The following ZNF483 variants were observed in gnomAD, a reference collection of about 807,000 sequenced individuals.
The protein encoded by ZNF483 is zinc finger protein HIT-10.
A neutral mutation model predicts 28.6 loss-of-function variants in ZNF483; 9 were observed. The ratio of observed to expected loss-of-function variants is 0.32; its 90% confidence interval spans 0.19 to 0.55. The LOEUF (loss-of-function observed/expected upper bound fraction) is 0.55. Ranked by LOEUF, ZNF483 falls within the 20% of genes least tolerant of loss-of-function variation. ZNF483 has a pLI of 0.93. For missense variants in ZNF483, 675 were observed against 871.7 expected (o/e 0.77, Z 2.84); for synonymous variants, 322 against 306.2 (o/e 1.05, Z -0.54).
intron 5 of ZNF483, among the ~76,000 whole-genome samples, chr9:111,572,756 C>CAAAAAAAAAAAAAAAAAAAAAAAAAAAAA (rs58101079): frequency 1.6e-5 from 1 of 63,512 alleles, no homozygotes; most frequent in Non-Finnish European, 2.8e-5. Context: ...GACCCTGTCT[C>CAAAAAAAAAAAAAAAAAAAAAAAAAAAAA]AAAAAAAAAA....
intron 5 of ZNF483, among the ~76,000 whole-genome samples, chr9:111,560,974 T>TATATATAGAG (rs1564607823): frequency 1.1e-4 from 1 of 9,344 alleles, no homozygotes; most frequent in East Asian, 2.9e-3. Flanking sequence ...TATATATATA[T>TATATATAGAG]AGAGAGAGAG....
intron 5 of ZNF483, among the ~76,000 whole-genome samples, chr9:111,568,038 A>T (rs890710526): frequency 2.0e-5 from 3 of 152,216 alleles, no homozygotes; most frequent in Admixed American, 2.0e-4. Flanking sequence ...AATTGATTGT[A>T]AAACATGTAT....
rs1828061395 is a variant in ZNF483 at position 111,554,391 on chromosome 9, C to T, written c.*11221C>T. 6.6e-6 allele frequency among the ~76,000 whole-genome samples: 1 copy of T among 152,150 alleles called. No individual in the cohort carries two copies. ...AGGGAGGCTTGAAATACAGCTTTCCCCTCATTGTGGTGAGCACATAGATTA... is the reference window on the plus strand; with the variant it reads ...AGGGAGGCTTGAAATACAGCTTTCCTCTCATTGTGGTGAGCACATAGATTA... On this transcript the variant is annotated 3_prime_UTR_variant, in exon 6 of 6. Coordinates refer to ENST00000309235, the MANE Select transcript of ZNF483 (RefSeq NM_133464.5).
chr9:111,564,277 T>G, intron 5 of ZNF483: 1 of 485,732 alleles, frequency 2.1e-6, no homozygotes, highest in Non-Finnish European at 2.8e-6. Context: ...AATTTAAACT[T>G]TTATTATTAT....
Position 111,548,888 on chromosome 9 carries a change from G to A in ZNF483, c.*5718G>A, listed in dbSNP as rs1589279748. On this transcript the variant is annotated 3_prime_UTR_variant, in exon 6 of 6. Transcript: ENST00000309235. ...CCTTCTGGCTTCCAAGGTTTTTGAT[G>A]AGCAATCAACAGTCTCACTGAGGAT... is the stretch of plus-strand genomic sequence containing the variant. Among the ~76,000 whole-genome samples the A allele has an allele frequency of 6.6e-6, 1 of 151,556 alleles. No individual in the cohort carries two copies. Among genetic ancestry groups the A allele is most frequent in the Non-Finnish European group, 1.5e-5 (1 of 67,930 alleles).
intron 3 of ZNF483, among the ~76,000 whole-genome samples, 190 bp downstream of exon 3, chr9:111,531,153 C>G (rs986820574): frequency 1.8e-4 from 28 of 151,908 alleles, no homozygotes; most frequent in African/African-American, 6.8e-4. Flanking sequence ...ATGATCATGC[C>G]ACTGCTGCCT....
At chr9:111,530,778 T>TATATATATATATATATATATATATAC (rs1827314171) in intron 2 of ZNF483, 97 bp from the exon 3 acceptor site, 3 of 51,858 alleles carry the variant, frequency 5.8e-5, no homozygotes, top group African/African-American at 3.0e-4. Context: ...TATATATATA[T>TATATATATATATATATATATATATAC]ATATATATAT....
rs1050009502 is a variant in ZNF483, at chr9:111,551,695, C to T, written c.*8525C>T. Among the ~76,000 whole-genome samples the T allele has an allele frequency of 6.6e-6, 1 of 152,162 alleles. No individual in the cohort carries two copies. The highest frequency in any genetic ancestry group is 2.4e-5 in the African/African-American group (1 of 41,432). On this transcript the variant is annotated 3_prime_UTR_variant, in exon 6 of 6. Coordinates refer to ENST00000309235, the MANE Select transcript of ZNF483 (RefSeq NM_133464.5). Reference sequence around the variant, plus strand: ...GGGATTACAGGTGTGAACCGCCACACACAACCCCAATTTTTGTTTAAAATT... The same window carrying T: ...GGGATTACAGGTGTGAACCGCCACATACAACCCCAATTTTTGTTTAAAATT...
Position 111,548,698 on chromosome 9 carries a change from G to A in ZNF483, c.*5528G>A, listed in dbSNP as rs900477747. On this transcript the variant is annotated 3_prime_UTR_variant, in exon 6 of 6. Coordinates refer to ENST00000309235, the MANE Select transcript of ZNF483 (RefSeq NM_133464.5). The stretch of plus-strand genomic sequence containing the variant: ...AATGCTTTCTATTTTATATCATTCC[G>A]TATGATGTTAGCTGTGGTCTTTTCA... Among the ~76,000 whole-genome samples the A allele has an allele frequency of 3.3e-5, 5 of 152,070 alleles. No homozygotes were observed. Among genetic ancestry groups the A allele is most frequent in the African/African-American group, 4.8e-5 (2 of 41,410 alleles).
chr9:111,572,129 A>C (rs1347951829), intron 5 of ZNF483, among the ~76,000 whole-genome samples: 2 of 152,218 alleles, frequency 1.3e-5, no homozygotes, highest in Non-Finnish European at 2.9e-5. Flanking sequence ...CTCAGCCTAA[A>C]GTTCCCACTG....
chr9:111,565,430 T>C (rs1214049969), intron 5 of ZNF483, among the ~76,000 whole-genome samples: 1 of 152,236 alleles, frequency 6.6e-6, no homozygotes, highest in Admixed American at 6.5e-5. Flanking sequence ...TAATGTAAAA[T>C]GTTAATAATA....
intron 5 of ZNF483, among the ~76,000 whole-genome samples, chr9:111,536,563 T>C (rs1353251406): frequency 6.6e-6 from 1 of 152,114 alleles, no homozygotes; most frequent in African/African-American, 2.4e-5. Flanking sequence ...CATGTATCAA[T>C]ACCTTGGTTT....
chr9:111,568,010 A>T (rs1157246848), intron 5 of ZNF483, among the ~76,000 whole-genome samples: 1 of 152,232 alleles, frequency 6.6e-6, no homozygotes. Context: ...CCACTGTGAT[A>T]ATTGTGTTAA....
At chr9:111,578,076 G>A (rs77556607), downstream of ZNF483, among the ~76,000 whole-genome samples, 2,694 of 152,038 alleles carry the variant, frequency 0.018, 84 homozygotes, top group African/African-American at 0.062. Context: ...ACTTCTACAC[G>A]TTAAATGAGT....
chr9:111,539,252 A>G (rs1827607237), intron 5 of ZNF483, among the ~76,000 whole-genome samples: 1 of 152,252 alleles, frequency 6.6e-6, no homozygotes. Flanking sequence ...AAAATGTTCA[A>G]ACTCACTGGC....
chr9:111,560,709 C>T (rs549860479), intron 5 of ZNF483, among the ~76,000 whole-genome samples: 3 of 147,116 alleles, frequency 2.0e-5, no homozygotes, highest in East Asian at 2.0e-4. Flanking sequence ...TTTGGGAGGC[C>T]GAGGTGGCCG....
intron 3 of ZNF483, 53 bp from the exon 4 acceptor site, chr9:111,533,686 C>T (rs1564592882): frequency 1.3e-6 from 2 of 1,494,832 alleles, no homozygotes; most frequent in Middle Eastern, 1.8e-4. Flanking sequence ...AAAAAAAGTA[C>T]TTAGGTTCTA....
chr9:111,535,001 G>T (rs1006566626), intron 5 of ZNF483, among the ~76,000 whole-genome samples: 5 of 152,132 alleles, frequency 3.3e-5, no homozygotes, highest in Admixed American at 6.5e-5. Flanking sequence ...GGGATTACAG[G>T]TATGAGCCAC....
chr9:111,532,712 C>T (rs1827379212), intron 3 of ZNF483, among the ~76,000 whole-genome samples: 1 of 152,086 alleles, frequency 6.6e-6, no homozygotes. Flanking sequence ...GGCTCTACTG[C>T]CTTATAAAAA....
Sources: gnomAD v4.1 joint callset for allele counts (sites outside exome capture counted in the v4.1 genomes callset) on GRCh38, gnomAD v4.1.1 for gene constraint, MANE v1.5 for transcripts, NCBI Gene and HGNC (gene_info 2026-07-23, HGNC 2026-07-21) for gene names.